The following ALK variants were observed in gnomAD, a reference collection of about 807,000 sequenced individuals.
ALK encodes the protein ALK receptor tyrosine kinase.
A neutral mutation model predicts 163.1 loss-of-function variants in ALK; 74 were observed. The ratio of observed to expected loss-of-function variants is 0.45; its 90% CI spans 0.38 to 0.55. ALK has a LOEUF of 0.55. Among genes scored for constraint, ALK ranks in the 20% least tolerant of loss-of-function variants. The probability of loss-of-function intolerance (pLI) is 0.00; values close to 1 mark genes in which losing one functional copy is unlikely to be tolerated. For missense variants in ALK, 2,063 were observed against 2,105.3 expected, an observed-to-expected ratio of 0.98 and a Z score of 0.39; for synonymous variants, 960 against 843.2, an observed-to-expected ratio of 1.14 and a Z score of -2.40.
intron 9 of ALK, among the ~76,000 whole-genome samples, chr2:29,280,804 G>A (rs912518778): frequency 9.2e-5 from 14 of 151,924 alleles, no homozygotes; most frequent in Non-Finnish European, 1.3e-4. Flanking sequence ...TGGGACTGAG[G>A]GGAGGTTATG....
At chr2:29,356,771 C>G (rs1016245372) in intron 5 of ALK, among the ~76,000 whole-genome samples, 10 of 152,092 alleles carry the variant, frequency 6.6e-5, no homozygotes, top group African/African-American at 1.9e-4. Context: ...CCATCTGGGC[C>G]CTGCACACAG....
rs186406212 is a variant in ALK, at chr2:29,624,555, T to C, written c.952+70295A>G. ...GGAAGAACTGCAGGGAAGCCACCAC[T>C]GTTGCCTAAAACTTAAGACTCACCG... On this transcript the variant is annotated intron_variant, in intron 3 of 28. Coordinates refer to ENST00000389048, the MANE Select transcript of ALK (RefSeq NM_004304.5). Among the ~76,000 whole-genome samples, 14 of 152,146 alleles carry C rather than the reference T, an allele frequency of 9.2e-5. No homozygotes were observed. The East Asian group carries it at 2.7e-3, about 29-fold the overall frequency.
At chr2:29,753,953 C>T (rs1462431612) in intron 1 of ALK, among the ~76,000 whole-genome samples, 3 of 152,166 alleles carry the variant, frequency 2.0e-5, no homozygotes, top group African/African-American at 7.2e-5. Flanking sequence ...CTTGTTATTT[C>T]ACAGCATCTT....
chr2:29,448,458 C>G (rs529396194), intron 4 of ALK, among the ~76,000 whole-genome samples: 1 of 152,296 alleles, frequency 6.6e-6, no homozygotes, highest in Admixed American at 6.5e-5. Flanking sequence ...TGCTCTCTCT[C>G]TACACTCTGG....
In ALK at chr2:29,223,446, G is replaced by T. The variant is rs1372058960; in HGVS notation, c.3255C>A (p.Thr1085=). The T allele has an allele frequency of 6.2e-6, 10 of 1,614,084 alleles. No individual in the cohort carries two copies. Among genetic ancestry groups the T allele is most frequent in the Non-Finnish European group, 8.5e-6 (10 of 1,180,048 alleles). The change falls in exon 20 of 29, where the codon ACC becomes ACA. Residue 1085 remains threonine (T), a synonymous_variant. Coordinates refer to ENST00000389048, the MANE Select transcript of ALK (RefSeq NM_004304.5). Reference sequence around the variant, plus strand: ...GGTTGTAGTCGGTCATGATGGTCGAGGTGCGGAGCTTGCTCAGCTTGTACT... The same window carrying T: ...GGTTGTAGTCGGTCATGATGGTCGATGTGCGGAGCTTGCTCAGCTTGTACT... ...SPEYKLSKLR[T]STIMTDYNPN...
chr2:29,853,947 T>G (rs984288818), intron 1 of ALK, among the ~76,000 whole-genome samples: 1 of 151,516 alleles, frequency 6.6e-6, no homozygotes, highest in African/African-American at 2.4e-5. Context: ...TCTCACTCTG[T>G]CACCCAGGCT....
At chr2:29,772,975 G>A (rs2339477) in intron 1 of ALK, among the ~76,000 whole-genome samples, 46,724 of 151,946 alleles carry the variant, frequency 0.31, 8,587 homozygotes, top group African/African-American at 0.51. Flanking sequence ...GTGGAACGAC[G>A]TGCTGGAGTT....
rs1330820854 is a variant in ALK, at chr2:29,320,892, G to C, written c.1415-10C>G. 8.1e-6 allele frequency: 13 copies of C among 1,614,168 alleles called. No homozygotes were observed. The highest frequency in any genetic ancestry group is 1.1e-5 in the South Asian group (1 of 91,082). ...CCCACAGGCAGTTTCCCTATGGAGA[G>C]AGCAGAGAGGCACCATCATTTTCAG... On this transcript the variant is annotated splice_polypyrimidine_tract_variant and intron_variant, in intron 6 of 28. Transcript: ENST00000389048.
At chr2:29,630,362 G>A (rs1369359078) in intron 3 of ALK, among the ~76,000 whole-genome samples, 3 of 152,196 alleles carry the variant, frequency 2.0e-5, no homozygotes, top group African/African-American at 7.2e-5. Flanking sequence ...TCATAGATAA[G>A]AAATTTTATT....
chr2:29,801,682 G>A (rs1252147515), intron 1 of ALK, among the ~76,000 whole-genome samples: 1 of 151,996 alleles, frequency 6.6e-6, no homozygotes, highest in Non-Finnish European at 1.5e-5. Context: ...TCTTTTTCCA[G>A]GAGGACAGAA....
chr2:29,582,216 C>G (rs1429157921), intron 3 of ALK, among the ~76,000 whole-genome samples: 3 of 152,186 alleles, frequency 2.0e-5, no homozygotes, highest in African/African-American at 7.2e-5. Flanking sequence ...GAGCACCATG[C>G]AGGTGCAGCA....
chr2:29,320,616 T>G, intron 7 of ALK, 135 bp downstream of exon 7: 1 of 1,249,994 alleles, frequency 8.0e-7, no homozygotes, highest in Non-Finnish European at 1.2e-6. Context: ...GAATTGTGTG[T>G]GAACGCTCTA....
At chr2:29,677,544 C>T (rs1048732760) in intron 3 of ALK, among the ~76,000 whole-genome samples, 3 of 151,996 alleles carry the variant, frequency 2.0e-5, no homozygotes, top group East Asian at 1.9e-4. Context: ...GATAGCCAAA[C>T]GGCTTATGTA....
chr2:29,775,748 C>A (rs559933941), intron 1 of ALK, among the ~76,000 whole-genome samples: 2 of 152,116 alleles, frequency 1.3e-5, no homozygotes, highest in Non-Finnish European at 2.9e-5. Flanking sequence ...CTGTCCATAG[C>A]CTATTGTGAG....
At chr2:29,899,279 G>A (rs577126439) in intron 1 of ALK, among the ~76,000 whole-genome samples, 2 of 152,326 alleles carry the variant, frequency 1.3e-5, no homozygotes, top group East Asian at 3.9e-4. Flanking sequence ...ATGGGACAAA[G>A]AAGGAAATCC....
rs1469530947 is a variant in ALK at position 29,690,887 on chromosome 2, G to A, written c.952+3963C>T. ...ATATTGAGTTAGAAAACAAACTAGTGACTACATAATACTAAAGGCAACCCA... is the reference window on the plus strand; with the variant it reads ...ATATTGAGTTAGAAAACAAACTAGTAACTACATAATACTAAAGGCAACCCA... On this transcript the variant is annotated intron_variant, in intron 3 of 28. Transcript: ENST00000389048. Among the ~76,000 whole-genome samples the A allele has an allele frequency of 3.3e-5, 5 of 152,130 alleles. No homozygotes were observed. In the East Asian group the frequency reaches 9.6e-4, roughly 29 times the overall value.
At chr2:29,669,998 T>C (rs1677633255) in intron 3 of ALK, among the ~76,000 whole-genome samples, 1 of 152,130 alleles carries the variant, frequency 6.6e-6, no homozygotes, top group South Asian at 2.1e-4. Flanking sequence ...GCTATTATTG[T>C]TTTTGACAGA....
At chr2:29,215,027 A>G (rs1373604860) in intron 23 of ALK, among the ~76,000 whole-genome samples, 1 of 151,888 alleles carries the variant, frequency 6.6e-6, no homozygotes, top group Non-Finnish European at 1.5e-5. Flanking sequence ...TGATTCACAT[A>G]CCTCCCCAAG....
chr2:29,883,240 G>A (rs972830247), intron 1 of ALK, among the ~76,000 whole-genome samples: 7 of 152,116 alleles, frequency 4.6e-5, no homozygotes, highest in Non-Finnish European at 1.0e-4. Context: ...CAAAACAATG[G>A]TTATCCAGCA....
Sources: gnomAD v4.1 joint callset for allele counts (sites outside exome capture counted in the v4.1 genomes callset) on GRCh38, gnomAD v4.1.1 for gene constraint, MANE v1.5 for transcripts, NCBI Gene and HGNC (gene_info 2026-07-23, HGNC 2026-07-21) for gene names.